Variants in DDX43 observed in about 807,000 individuals in gnomAD.
DDX43 encodes probable ATP-dependent RNA helicase DDX43.
A neutral mutation model predicts 84.9 loss-of-function variants in DDX43; 50 were observed. The observed-to-expected ratio is 0.59, with a 90% CI of 0.47 to 0.75. The LOEUF (loss-of-function observed/expected upper bound fraction) is 0.75, where lower values mean the gene tolerates loss of function less well. Ranked by LOEUF, DDX43 falls within the 30% of genes least tolerant of loss-of-function variation. The pLI, the probability that DDX43 is intolerant of heterozygous loss-of-function variation, is 0.00. For synonymous variants in DDX43, 291 were observed against 266.3 expected, an observed-to-expected ratio of 1.09 and a Z score of -0.90; for missense variants, 689 against 798.6, an observed-to-expected ratio of 0.86 and a Z score of 1.65.
intron 14 of DDX43, 98 bp from the exon 15 acceptor site, chr6:73,415,399 A>G (rs1242044536): frequency 2.5e-6 from 2 of 787,444 alleles, no homozygotes; most frequent in Non-Finnish European, 4.1e-6. Flanking sequence ...TTGACCCTAA[A>G]TCTTAATACA....
Position 73,412,519 on chromosome 6 carries a change from A to AGT in DDX43, c.1368+244_1368+245dup, listed in dbSNP as rs781043774. 3.4e-3 allele frequency among the ~76,000 whole-genome samples: 512 copies of AGT among 149,758 alleles called. 5 individuals carry two copies. Among genetic ancestry groups the AGT allele is most frequent in the Middle Eastern group, 0.01 (3 of 286 alleles). Reference sequence around the variant, plus strand: ...TATGTATAGAGAGAGAGAGAGAGAGAGTGTGTGTGTGTGTGTGTTTGTGTC... The same window carrying AGT: ...TATGTATAGAGAGAGAGAGAGAGAGAGTGTGTGTGTGTGTGTGTGTTTGTGTC... On this transcript the variant is annotated intron_variant, in intron 11 of 16. Coordinates refer to ENST00000370336, the MANE Select transcript of DDX43 (RefSeq NM_018665.3).
At position 73,412,638 on chromosome 6, in the gene DDX43, A is replaced by AGTGTGTGTGTGTGTGT. The variant is rs66577187; in HGVS notation, c.1368+362_1368+377dup. On this transcript the variant is annotated intron_variant, in intron 11 of 16. Transcript: ENST00000370336. The stretch of plus-strand genomic sequence containing the variant: ...CTGGGTTCAAGTGATATATATATAT[A>AGTGTGTGTGTGTGTGT]GTGTGTGTGTGTGTGTGTGTGTGTG... Among the ~76,000 whole-genome samples, 223 of 59,650 alleles carry AGTGTGTGTGTGTGTGT rather than the reference A, an allele frequency of 3.7e-3. 3 individuals carry two copies. Among genetic ancestry groups the AGTGTGTGTGTGTGTGT allele is most frequent in the East Asian group, 9.1e-3 (21 of 2,302 alleles). The allele number at this position is 59,650 out of a possible 152,430, so 39.1% of individuals were successfully genotyped here.
chr6:73,395,183 G>C, intron 1 of DDX43, 28 bp downstream of exon 1: 1 of 1,579,328 alleles, frequency 6.3e-7, no homozygotes, highest in Non-Finnish European at 8.6e-7. Context: ...TGGCAGGGCA[G>C]GATAGGTGGG....
intron 11 of DDX43, 88 bp downstream of exon 11, chr6:73,412,380 C>G (rs1769803615): frequency 1.0e-6 from 1 of 986,616 alleles, no homozygotes; most frequent in Non-Finnish European, 1.5e-6. Flanking sequence ...TGCCCACTCC[C>G]CAATTTTAGG....
Position 73,397,670 on chromosome 6 carries a change from C to A in DDX43, c.251-19C>A. 1 of 1,583,146 alleles carries A rather than the reference C, an allele frequency of 6.3e-7. No individual in the cohort carries two copies. Among genetic ancestry groups the A allele is most frequent in the Non-Finnish European group, 8.7e-7 (1 of 1,152,584 alleles). On this transcript the variant is annotated intron_variant, in intron 1 of 16. Transcript: ENST00000370336. ...TAATTTCAACTTATAACAATATATT[C>A]CTTTATTTTTAAAAACAGGTCGTGG... is the stretch of plus-strand genomic sequence containing the variant.
chr6:73,395,971 AT>A (rs879393171), intron 1 of DDX43, among the ~76,000 whole-genome samples: 537 of 140,534 alleles, frequency 3.8e-3, no homozygotes, highest in African/African-American at 6.9e-3. Flanking sequence ...CTTTCTTTTG[AT>A]TTTTTTTTTT....
chr6:73,412,967 G>C (rs183200354), intron 11 of DDX43, among the ~76,000 whole-genome samples: 1 of 152,126 alleles, frequency 6.6e-6, no homozygotes, highest in East Asian at 1.9e-4. Flanking sequence ...GACCTCAGGC[G>C]ATCTGCCCCC....
chr6:73,401,846 A>G lies in DDX43; in HGVS notation c.437-13A>G, dbSNP rs761003954. The stretch of plus-strand genomic sequence containing the variant: ...AATAGAAAAAAACTAATCGATACAA[A>G]TGTTTTTAACAGATACTGCATTCCA... On this transcript the variant is annotated splice_polypyrimidine_tract_variant and intron_variant, in intron 3 of 16. Transcript: ENST00000370336. 8 of 1,592,746 alleles carry G rather than the reference A, an allele frequency of 5.0e-6. No individual in the cohort carries two copies. In the South Asian group the frequency reaches 8.1e-5, roughly 16 times the overall value.
intron 14 of DDX43, 89 bp from the exon 15 acceptor site, chr6:73,415,408 C>A: frequency 1.1e-6 from 1 of 876,392 alleles, no homozygotes; most frequent in Non-Finnish European, 1.8e-6. Context: ...AATCTTAATA[C>A]ATTCCAGCTT....
chr6:73,417,114 A>C (rs1582643998), intron 16 of DDX43, 73 bp from the exon 17 acceptor site: 1 of 152,290 alleles, frequency 6.6e-6, no homozygotes, highest in East Asian at 1.9e-4. Context: ...AAATTTGGGT[A>C]TGTTTATTTA....
intron 10 of DDX43, 148 bp downstream of exon 10, chr6:73,409,496 T>A (rs2150797709): frequency 3.0e-6 from 2 of 670,762 alleles, no homozygotes; most frequent in South Asian, 3.8e-5. Flanking sequence ...AGTAGAACAG[T>A]GTAACAATAA....
chr6:73,411,783 C>T (rs1029801840), intron 10 of DDX43, among the ~76,000 whole-genome samples: 6 of 151,780 alleles, frequency 4.0e-5, no homozygotes, highest in Admixed American at 2.0e-4. Flanking sequence ...CTGCAACCTC[C>T]GCCTCCTGGG....
intron 10 of DDX43, 121 bp from the exon 11 acceptor site, chr6:73,412,080 CCTTA>C (rs1769793728): frequency 1.4e-6 from 1 of 691,654 alleles, no homozygotes; most frequent in African/African-American, 1.8e-5. Flanking sequence ...GTTAAATTTG[CCTTA>C]CTTATTGAAA....
intron 9 of DDX43, among the ~76,000 whole-genome samples, chr6:73,409,031 A>C (rs1350484638): frequency 1.3e-5 from 2 of 152,272 alleles, no homozygotes; most frequent in Non-Finnish European, 2.9e-5. Flanking sequence ...TTGTTTAAGG[A>C]GATTTGGAAG....
chr6:73,416,076 C>A, intron 15 of DDX43, 37 bp from the exon 16 acceptor site: 1 of 1,108,180 alleles, frequency 9.0e-7, no homozygotes, highest in Non-Finnish European at 1.4e-6. Context: ...TAGAAAAGAA[C>A]TCAGAATCCT....
chr6:73,403,816 A>T (rs934144352), intron 4 of DDX43, among the ~76,000 whole-genome samples: 3 of 138,584 alleles, frequency 2.2e-5, no homozygotes, highest in Non-Finnish European at 3.1e-5. Flanking sequence ...TGCCAGGCTA[A>T]TTTTTTTTTT....
chr6:73,402,134 T>A (rs1769587120), intron 4 of DDX43, 144 bp downstream of exon 4: 1 of 1,022,984 alleles, frequency 9.8e-7, no homozygotes, highest in African/African-American at 1.7e-5. Flanking sequence ...GTCCCTAGGT[T>A]ATGATAGTTT....
At chr6:73,395,229 C>G (rs1769442259) in intron 1 of DDX43, 74 bp downstream of exon 1, 3 of 1,490,542 alleles carry the variant, frequency 2.0e-6, no homozygotes, top group Non-Finnish European at 2.7e-6. Context: ...CATTTCCTCC[C>G]CACTGCCTCA....
Position 73,395,132 on chromosome 6 carries a change from G to A in DDX43, c.227G>A (p.Ser76Asn). The A allele has an allele frequency of 3.7e-6, 6 of 1,613,802 alleles. No individual in the cohort carries two copies. Among genetic ancestry groups the A allele is most frequent in the Non-Finnish European group, 1.7e-6 (2 of 1,179,824 alleles). The change falls in exon 1 of 17, where the codon AGC becomes AAC. Residue 76 changes from serine (S) to asparagine (N), a missense_variant. This residue lies in a region of DDX43 where 137 missense variants were observed against 105.9 expected (regional missense o/e 1.29). Coordinates refer to ENST00000370336, the MANE Select transcript of DDX43 (RefSeq NM_018665.3). The part of the protein sequence containing the change: ...EELPLCFALK[S>N]HFVGAVIGRG... Reference sequence around the variant, plus strand: ...CTGCCGCTGTGTTTTGCTTTGAAGAGCCACTTTGTTGGCGCGGTAATCGGT... The same window carrying A: ...CTGCCGCTGTGTTTTGCTTTGAAGAACCACTTTGTTGGCGCGGTAATCGGT...
Sources: allele counts gnomAD v4.1 joint callset (sites outside exome capture counted in the v4.1 genomes callset), GRCh38; gene constraint gnomAD v4.1.1; regional missense constraint gnomAD v4.1.1; transcripts MANE v1.5; gene names NCBI Gene and HGNC (gene_info 2026-07-23, HGNC 2026-07-21).